The following WWOX variants were observed in gnomAD, a reference collection of about 807,000 sequenced individuals.
WWOX encodes WW domain containing oxidoreductase.
A neutral mutation model predicts 46.2 loss-of-function variants in WWOX; 69 were observed. That is an observed-to-expected ratio of 1.49 (90% CI 1.23 to 1.82). The LOEUF (loss-of-function observed/expected upper bound fraction) is 1.82, where lower values mean the gene tolerates loss of function less well. WWOX is among the 40% of genes most tolerant of loss of function. The pLI, the probability that WWOX is intolerant of heterozygous loss-of-function variation, is 0.00. For missense variants in WWOX, 919 were observed against 542.6 expected, an observed-to-expected ratio of 1.69 and a Z score of -6.89; for synonymous variants, 359 against 202.6, an observed-to-expected ratio of 1.77 and a Z score of -6.56.
chr16:78,868,985 A>G (rs1290381404), intron 8 of WWOX, among the ~76,000 whole-genome samples: 1 of 152,162 alleles, frequency 6.6e-6, no homozygotes, highest in Non-Finnish European at 1.5e-5. Context: ...ACACACATGC[A>G]TGCGATCTGT....
chr16:78,457,053 T>C (rs2083836210), intron 8 of WWOX, among the ~76,000 whole-genome samples: 1 of 152,194 alleles, frequency 6.6e-6, no homozygotes, highest in Admixed American at 6.5e-5. Flanking sequence ...TGTCACACAA[T>C]ATGTGCCCAC....
intron 8 of WWOX, among the ~76,000 whole-genome samples, chr16:78,883,105 T>C (rs139837350): frequency 1.3e-5 from 2 of 152,266 alleles, no homozygotes; most frequent in East Asian, 1.9e-4. Context: ...AGGGTAGATA[T>C]TCAGGAAGAA....
chr16:79,114,806 C>T (rs1175220048), intron 8 of WWOX, among the ~76,000 whole-genome samples: 1 of 152,184 alleles, frequency 6.6e-6, no homozygotes, highest in Non-Finnish European at 1.5e-5. Flanking sequence ...GCACAGCTTC[C>T]AGATCACTCA....
chr16:78,219,686 C>G (rs1419075608), intron 5 of WWOX, among the ~76,000 whole-genome samples: 1 of 152,088 alleles, frequency 6.6e-6, no homozygotes, highest in Non-Finnish European at 1.5e-5. Context: ...TATTTGGCAA[C>G]CAGGCAGATA....
intron 8 of WWOX, among the ~76,000 whole-genome samples, chr16:78,846,334 G>T (rs1468361077): frequency 6.6e-6 from 1 of 151,994 alleles, no homozygotes; most frequent in South Asian, 2.1e-4. Flanking sequence ...TGGATTTGAC[G>T]GTGTGTCCTC....
chr16:78,406,307 T>C (rs866642027), intron 6 of WWOX, among the ~76,000 whole-genome samples: 1 of 16,408 alleles, frequency 6.1e-5, no homozygotes, highest in African/African-American at 7.4e-4. Flanking sequence ...AATATAAATA[T>C]ATATATATAT....
chr16:78,237,956 TTC>T (rs1470194479), intron 5 of WWOX: 1 of 152,192 alleles, frequency 6.6e-6, no homozygotes, highest in African/African-American at 2.4e-5. Flanking sequence ...AGCTCCCAAA[TTC>T]TCTCATTAAA....
intron 8 of WWOX, among the ~76,000 whole-genome samples, chr16:78,907,969 C>G (rs2151251007): frequency 6.6e-6 from 1 of 152,278 alleles, no homozygotes; most frequent in Non-Finnish European, 1.5e-5. Context: ...GATCAGTGCA[C>G]AGCTTTGCAG....
intron 8 of WWOX, among the ~76,000 whole-genome samples, chr16:78,576,117 G>A (rs904925342): frequency 1.3e-5 from 2 of 151,926 alleles, no homozygotes; most frequent in African/African-American, 2.4e-5. Context: ...CCCTCTTACC[G>A]TTGCATAGAA....
At chr16:78,323,637 T>G (rs534059232) in intron 5 of WWOX, among the ~76,000 whole-genome samples, 1 of 152,188 alleles carries the variant, frequency 6.6e-6, no homozygotes, top group Non-Finnish European at 1.5e-5. Flanking sequence ...CTGTGGACTT[T>G]ACTTTTCACG....
At chr16:78,263,205 A>C (rs764849671) in intron 5 of WWOX, among the ~76,000 whole-genome samples, 13 of 152,200 alleles carry the variant, frequency 8.5e-5, no homozygotes, top group Non-Finnish European at 1.9e-4. Flanking sequence ...GCACCTCTGC[A>C]CTTCAGAGCG....
At chr16:78,805,253 A>G (rs1451925980) in intron 8 of WWOX, among the ~76,000 whole-genome samples, 1 of 152,040 alleles carries the variant, frequency 6.6e-6, no homozygotes, top group South Asian at 2.1e-4. Context: ...AAAACAGCAT[A>G]TATATGTATA....
chr16:78,689,783 T>C (rs1054295783), intron 8 of WWOX, among the ~76,000 whole-genome samples: 5 of 152,234 alleles, frequency 3.3e-5, no homozygotes, highest in African/African-American at 1.2e-4. Context: ...GCAACAGCCT[T>C]GACCCCTGTT....
chr16:78,884,053 C>G (rs907706930), intron 8 of WWOX, among the ~76,000 whole-genome samples: 5 of 151,928 alleles, frequency 3.3e-5, no homozygotes, highest in Admixed American at 3.3e-4. Context: ...CCGAGGCAGG[C>G]AGATTGCTTG....
At chr16:78,458,502 C>A (rs1310828209) in intron 8 of WWOX, among the ~76,000 whole-genome samples, 1 of 152,094 alleles carries the variant, frequency 6.6e-6, no homozygotes, top group Non-Finnish European at 1.5e-5. Flanking sequence ...CTCAAGCCAT[C>A]CTCCCACCTC....
chr16:78,616,718 A>ATGG (rs1227825488), intron 8 of WWOX, among the ~76,000 whole-genome samples: 1 of 151,984 alleles, frequency 6.6e-6, no homozygotes, highest in Non-Finnish European at 1.5e-5. Flanking sequence ...GTGAGCTGAG[A>ATGG]TGGTGCCACT....
At chr16:78,243,597 A>G (rs911074014) in intron 5 of WWOX, among the ~76,000 whole-genome samples, 3 of 152,056 alleles carry the variant, frequency 2.0e-5, no homozygotes, top group African/African-American at 7.2e-5. Flanking sequence ...TCCAGGCTGG[A>G]ATGCAGTGGC....
chr16:79,152,746 TG>T (rs1321101523), intron 8 of WWOX, among the ~76,000 whole-genome samples: 4 of 151,854 alleles, frequency 2.6e-5, no homozygotes, highest in Non-Finnish European at 5.9e-5. Context: ...CAGCTTAGTG[TG>T]GGCAGAGCTC....
At chr16:78,971,601 G>GA in intron 8 of WWOX, among the ~76,000 whole-genome samples, 1 of 152,102 alleles carries the variant, frequency 6.6e-6, no homozygotes, top group South Asian at 2.1e-4. Flanking sequence ...AAGAGCATAA[G>GA]AAAAAGGAAG....
Sources: gnomAD v4.1 joint callset for allele counts (sites outside exome capture counted in the v4.1 genomes callset) on GRCh38, gnomAD v4.1.1 for gene constraint, MANE v1.5 for transcripts, NCBI Gene and HGNC (gene_info 2026-07-23, HGNC 2026-07-21) for gene names.